NKAIN2: variants seen among roughly 807,000 people sequenced by gnomAD.
NKAIN2 encodes sodium/potassium-transporting ATPase subunit beta-1-interacting protein 2.
NKAIN2 carries 14 observed loss-of-function variants against 32.6 expected under a neutral mutation model. That is an observed-to-expected ratio of 0.43 (90% CI 0.28 to 0.67). The LOEUF (loss-of-function observed/expected upper bound fraction) is 0.67. Among genes scored for constraint, NKAIN2 ranks in the 30% least tolerant of loss-of-function variants. The probability of loss-of-function intolerance (pLI) is 0.17; values close to 1 mark genes in which losing one functional copy is unlikely to be tolerated. For missense variants in NKAIN2, 198 were observed against 258.3 expected (o/e 0.77, Z 1.60); for synonymous variants, 80 against 87.2 (o/e 0.92, Z 0.46).
At chr6:124,326,232 T>G (rs1797406017) in intron 2 of NKAIN2, among the ~76,000 whole-genome samples, 1 of 151,904 alleles carries the variant, frequency 6.6e-6, no homozygotes, top group South Asian at 2.1e-4. Flanking sequence ...TTAGCTCATT[T>G]TAAAGTATTA....
chr6:124,539,332 A>G (rs922387887), intron 3 of NKAIN2, among the ~76,000 whole-genome samples: 3 of 152,154 alleles, frequency 2.0e-5, no homozygotes, highest in Non-Finnish European at 4.4e-5. Flanking sequence ...AGGTTGCATA[A>G]TATCTCTCCT....
At chr6:124,514,935 C>T (rs1009485669) in intron 3 of NKAIN2, among the ~76,000 whole-genome samples, 1 of 151,930 alleles carries the variant, frequency 6.6e-6, no homozygotes, top group Non-Finnish European at 1.5e-5. Context: ...TGGGAGATAG[C>T]AAAGGAAACA....
chr6:124,431,238 G>T (rs1407122377), intron 3 of NKAIN2, among the ~76,000 whole-genome samples: 3 of 151,936 alleles, frequency 2.0e-5, no homozygotes, highest in African/African-American at 2.4e-5. Flanking sequence ...GATTTTTCTT[G>T]GTCCCTCTTC....
At position 123,902,582 on chromosome 6, in the gene NKAIN2, G is replaced by T. The variant is rs191334979; in HGVS notation, c.54+98328G>T. Among the ~76,000 whole-genome samples the T allele has an allele frequency of 2.0e-5, 3 of 152,186 alleles. No individual in the cohort carries two copies. In the East Asian group the frequency reaches 5.8e-4, roughly 29 times the overall value. Reference sequence around the variant, plus strand: ...TGCAATTAATCCTAATTAAACATTAGCACAAAATTTGGAAGATCAGAAAGT... The same window carrying T: ...TGCAATTAATCCTAATTAAACATTATCACAAAATTTGGAAGATCAGAAAGT... On this transcript the variant is annotated intron_variant, in intron 1 of 6. Coordinates refer to ENST00000368417, the MANE Select transcript of NKAIN2 (RefSeq NM_001040214.3).
At chr6:124,815,932 A>C (rs1288533451) in intron 5 of NKAIN2, among the ~76,000 whole-genome samples, 6 of 152,136 alleles carry the variant, frequency 3.9e-5, no homozygotes, top group Non-Finnish European at 8.8e-5. Context: ...AAATATGATA[A>C]CTCCTATTTT....
chr6:124,683,139 A>T (rs1046526409), intron 4 of NKAIN2, among the ~76,000 whole-genome samples: 6 of 152,192 alleles, frequency 3.9e-5, no homozygotes, highest in Non-Finnish European at 8.8e-5. Context: ...GGTGAATATC[A>T]CCGGTGCCAT....
intron 3 of NKAIN2, among the ~76,000 whole-genome samples, chr6:124,421,471 C>T (rs998252963): frequency 6.6e-6 from 1 of 152,116 alleles, no homozygotes; most frequent in Admixed American, 6.5e-5. Flanking sequence ...CAGAAATGTT[C>T]AACTAAAACT....
intron 4 of NKAIN2, among the ~76,000 whole-genome samples, chr6:124,684,679 G>T (rs1773778784): frequency 6.6e-6 from 1 of 152,092 alleles, no homozygotes; most frequent in Non-Finnish European, 1.5e-5. Context: ...CTGACACAGA[G>T]TCTTTACACA....
chr6:124,637,794 C>T (rs929123454), intron 3 of NKAIN2, among the ~76,000 whole-genome samples: 12 of 152,138 alleles, frequency 7.9e-5, no homozygotes, highest in African/African-American at 2.9e-4. Flanking sequence ...ATTCCATACT[C>T]ATGGATTGGA....
chr6:124,297,727 T>C (rs1796119079), intron 2 of NKAIN2, among the ~76,000 whole-genome samples: 1 of 151,952 alleles, frequency 6.6e-6, no homozygotes, highest in African/African-American at 2.4e-5. Flanking sequence ...CCGCCCCCTG[T>C]CAGTAATTTT....
chr6:124,611,005 T>C (rs1265919459), intron 3 of NKAIN2, among the ~76,000 whole-genome samples: 1 of 152,184 alleles, frequency 6.6e-6, no homozygotes, highest in Non-Finnish European at 1.5e-5. Flanking sequence ...TCTAAAACAC[T>C]CTTAATTTGC....
intron 3 of NKAIN2, among the ~76,000 whole-genome samples, chr6:124,436,240 T>G (rs1775437921): frequency 6.6e-6 from 1 of 152,122 alleles, no homozygotes; most frequent in East Asian, 1.9e-4. Flanking sequence ...TAAAACTAGC[T>G]AAAAAAGACC....
At chr6:123,862,928 C>T (rs56142431) in intron 1 of NKAIN2, among the ~76,000 whole-genome samples, 39,260 of 152,036 alleles carry the variant, frequency 0.26, 5,779 homozygotes, top group Non-Finnish European at 0.33. Context: ...CCACTGAGTC[C>T]CTGGGAGCAT....
intron 4 of NKAIN2, among the ~76,000 whole-genome samples, chr6:124,663,277 A>C (rs896417239): frequency 6.6e-5 from 10 of 151,880 alleles, no homozygotes; most frequent in Admixed American, 3.3e-4. Context: ...TACACACACA[A>C]AAAAATAGCC....
intron 1 of NKAIN2, among the ~76,000 whole-genome samples, chr6:124,043,165 A>G (rs1582521456): frequency 1.3e-5 from 2 of 151,922 alleles, no homozygotes; most frequent in African/African-American, 4.8e-5. Flanking sequence ...TGAGACCAGC[A>G]TGGCCAACAT....
At chr6:124,219,268 C>G (rs1057482923) in intron 1 of NKAIN2, among the ~76,000 whole-genome samples, 1 of 129,272 alleles carries the variant, frequency 7.7e-6, no homozygotes, top group Admixed American at 8.7e-5. Flanking sequence ...TTTTTATTTT[C>G]TTTTTTCTTT....
intron 3 of NKAIN2, among the ~76,000 whole-genome samples, chr6:124,521,452 T>C (rs1158085230): frequency 6.6e-6 from 1 of 152,210 alleles, no homozygotes; most frequent in African/African-American, 2.4e-5. Flanking sequence ...TGCATTCATT[T>C]ATTTAAATGT....
At chr6:124,617,840 A>T (rs1374513444) in intron 3 of NKAIN2, among the ~76,000 whole-genome samples, 1 of 152,106 alleles carries the variant, frequency 6.6e-6, no homozygotes, top group East Asian at 1.9e-4. Flanking sequence ...ATAAAATATT[A>T]TTTTTTTCAT....
Position 124,420,661 on chromosome 6 carries a change from A to G in NKAIN2, c.273+65314A>G, listed in dbSNP as rs1774705080. On this transcript the variant is annotated intron_variant, in intron 3 of 6. Transcript: ENST00000368417. ...TCTTTGAATGTTCCAACATTATCCC[A>G]GATTGTTTGAGATTGGCCAACTGTT... Among the ~76,000 whole-genome samples, 5 of 152,084 alleles carry G rather than the reference A, an allele frequency of 3.3e-5. No homozygotes were observed. In the South Asian group the frequency reaches 8.3e-4, roughly 25 times the overall value.
Sources: gnomAD v4.1 joint callset for allele counts (sites outside exome capture counted in the v4.1 genomes callset) on GRCh38, gnomAD v4.1.1 for gene constraint, MANE v1.5 for transcripts, NCBI Gene and HGNC (gene_info 2026-07-23, HGNC 2026-07-21) for gene names.